The following KDM4C variants were observed in gnomAD, a reference collection of about 807,000 sequenced individuals.
KDM4C encodes lysine-specific demethylase 4C.
Under a neutral mutation model 129.3 loss-of-function variants are expected in KDM4C, and 81 were observed. The observed-to-expected ratio is 0.63, with a 90% CI of 0.52 to 0.75. The LOEUF is 0.75. KDM4C is among the 30% of genes least tolerant of loss of function. KDM4C has a pLI of 0.00. For synonymous variants in KDM4C, 573 were observed against 456.1 expected (o/e 1.26, Z -3.26); for missense variants, 1,457 against 1,304.0 (o/e 1.12, Z -1.81).
At chr9:6,787,508 C>T (rs992799385) in intron 1 of KDM4C, among the ~76,000 whole-genome samples, 3 of 152,252 alleles carry the variant, frequency 2.0e-5, no homozygotes, top group Non-Finnish European at 2.9e-5. Flanking sequence ...GCTGGGATTA[C>T]AGGCGTGAGC....
At chr9:6,896,104 A>G (rs1816388738) in intron 8 of KDM4C, among the ~76,000 whole-genome samples, 2 of 152,318 alleles carry the variant, frequency 1.3e-5, no homozygotes, top group South Asian at 4.1e-4. Flanking sequence ...CACTGGGCAT[A>G]CATTTATGTG....
chr9:6,805,968 A>G (rs555957496), intron 3 of KDM4C, among the ~76,000 whole-genome samples, 194 bp downstream of exon 3: 2 of 152,198 alleles, frequency 1.3e-5, no homozygotes, highest in African/African-American at 4.8e-5. Context: ...ATTGCTCTTT[A>G]TTTTATTATC....
In KDM4C at chr9:6,826,602, A is replaced by T. The variant is rs144019471; in HGVS notation, c.435+11857A>T. ...CTTATTTGGCCGGGCGCGGTGGCTT[A>T]TGCCTGTGATCCCAGCACTTTGGGA... is the stretch of plus-strand genomic sequence containing the variant. On this transcript the variant is annotated intron_variant, in intron 4 of 21. Transcript: ENST00000381309. Among the ~76,000 whole-genome samples, 1,148 of 152,254 alleles carry T rather than the reference A, an allele frequency of 7.5e-3. 17 individuals carry two copies. Among genetic ancestry groups the T allele is most frequent in the African/African-American group, 0.027 (1,101 of 41,546 alleles).
At chr9:6,862,486 T>C (rs1240228356) in intron 5 of KDM4C, among the ~76,000 whole-genome samples, 1 of 152,176 alleles carries the variant, frequency 6.6e-6, no homozygotes, top group Admixed American at 6.5e-5. Context: ...GTAAAGAAGC[T>C]GTACAGGTAG....
intron 8 of KDM4C, among the ~76,000 whole-genome samples, chr9:6,915,857 G>C (rs1820216324): frequency 6.6e-6 from 1 of 152,138 alleles, no homozygotes; most frequent in African/African-American, 2.4e-5. Flanking sequence ...TTGCCATCAT[G>C]GAAGGACCTA....
intron 4 of KDM4C, chr9:6,835,347 G>A: frequency 1.3e-5 from 13 of 1,020,822 alleles, no homozygotes; most frequent in East Asian, 2.4e-5. Flanking sequence ...ACACATTGCT[G>A]TCTGGCGGCA....
In KDM4C at chr9:7,013,923, C is replaced by G. The variant is rs780632726; in HGVS notation, c.2104C>G (p.Pro702Ala). Residue 702 changes from proline to alanine, a missense_variant, in exon 14 of 22, where the codon CCA (proline) becomes GCA (alanine). Pro to Ala is a conservative substitution (Grantham distance 27). Coordinates refer to ENST00000381309, the MANE Select transcript of KDM4C (RefSeq NM_015061.6). ...TAGTGAAGAAAATATAGAATATTCT[C>G]CACCCAATGCCTTCCTTGAAGAGGA... ...IYSEENIEYS[P>A]PNAFLEEDGT... 2 of 1,613,814 alleles carry G rather than the reference C, an allele frequency of 1.2e-6. No individual in the cohort carries two copies. Among genetic ancestry groups the G allele is most frequent in the Non-Finnish European group, 1.7e-6 (2 of 1,179,850 alleles).
At chr9:6,721,271 CTTTT>C (rs1300448717) in intron 1 of KDM4C, 39 of 75,194 alleles carry the variant, frequency 5.2e-4, no homozygotes, top group Admixed American at 1.8e-3. Flanking sequence ...TTTAAATTAA[CTTTT>C]TTTTTTTTTT....
chr9:6,773,012 G>GT (rs1432256790), intron 1 of KDM4C, among the ~76,000 whole-genome samples: 1 of 149,906 alleles, frequency 6.7e-6, no homozygotes, highest in Non-Finnish European at 1.5e-5. Flanking sequence ...TTTCTTTTTT[G>GT]TTTTTTTGAC....
chr9:6,946,730 A>G (rs1198606368), intron 8 of KDM4C, among the ~76,000 whole-genome samples: 1 of 152,136 alleles, frequency 6.6e-6, no homozygotes, highest in Non-Finnish European at 1.5e-5. Context: ...TGTTCTTTCT[A>G]TAGTTCATTA....
intron 12 of KDM4C, among the ~76,000 whole-genome samples, chr9:7,007,645 T>A (rs1171801013): frequency 6.6e-6 from 1 of 152,198 alleles, no homozygotes; most frequent in Non-Finnish European, 1.5e-5. Flanking sequence ...AATGTACACA[T>A]GTATATGGCA....
intron 2 of KDM4C, among the ~76,000 whole-genome samples, chr9:6,797,869 T>C (rs1037959085): frequency 6.6e-6 from 1 of 152,174 alleles, no homozygotes; most frequent in Non-Finnish European, 1.5e-5. Flanking sequence ...GCTGGGTTTG[T>C]GGGGTTGTTG....
At chr9:7,106,899 C>A (rs1302677932) in intron 18 of KDM4C, among the ~76,000 whole-genome samples, 1 of 151,480 alleles carries the variant, frequency 6.6e-6, no homozygotes, top group Non-Finnish European at 1.5e-5. Flanking sequence ...TACATTATTC[C>A]ATCAAGCAGT....
chr9:7,080,097 C>T (rs559619983), intron 17 of KDM4C, among the ~76,000 whole-genome samples: 1 of 152,150 alleles, frequency 6.6e-6, no homozygotes, highest in Non-Finnish European at 1.5e-5. Flanking sequence ...TGTACCTTAT[C>T]CACTAGGCAT....
At position 7,011,929 on chromosome 9, in the gene KDM4C, G is replaced by T. The variant is rs772487575; in HGVS notation, c.1968+50G>T. On this transcript the variant is annotated intron_variant, in intron 13 of 21. Coordinates refer to ENST00000381309, the MANE Select transcript of KDM4C (RefSeq NM_015061.6). ...CCCTTCACTGCTCTGCCTTCCATGT[G>T]ACCACATACCACAAGATCACTGTAA... The T allele has an allele frequency of 2.1e-6, 3 of 1,456,132 alleles. No homozygotes were observed. In the South Asian group the frequency reaches 3.5e-5, roughly 17 times the overall value. The allele number at this position is 1,456,132 out of a possible 1,614,324, so 90.2% of individuals were successfully genotyped here.
At chr9:7,138,537 A>C (rs534949074) in intron 19 of KDM4C, among the ~76,000 whole-genome samples, 60 of 152,214 alleles carry the variant, frequency 3.9e-4, no homozygotes, top group Non-Finnish European at 7.3e-4. Context: ...CTTTTGGGCC[A>C]GGCACGGTGG....
At chr9:6,908,558 G>A (rs748353609) in intron 8 of KDM4C, among the ~76,000 whole-genome samples, 13 of 152,012 alleles carry the variant, frequency 8.6e-5, no homozygotes, top group Admixed American at 3.3e-4. Flanking sequence ...ATTTAGCCAC[G>A]GAGAATCAGG....
intron 4 of KDM4C, among the ~76,000 whole-genome samples, chr9:6,821,330 C>T (rs1472480347): frequency 1.3e-5 from 2 of 152,168 alleles, no homozygotes; most frequent in South Asian, 2.1e-4. Flanking sequence ...AATTTACGCT[C>T]CCACCAACAG....
upstream of KDM4C, among the ~76,000 whole-genome samples, chr9:6,754,246 C>G (rs1177039333): frequency 6.7e-6 from 1 of 150,202 alleles, no homozygotes; most frequent in East Asian, 2.0e-4. Context: ...GAGTTTTGCT[C>G]TTGTCATCGA....
Sources: allele counts gnomAD v4.1 joint callset (sites outside exome capture counted in the v4.1 genomes callset), GRCh38; gene constraint gnomAD v4.1.1; transcripts MANE v1.5; gene names NCBI Gene and HGNC (gene_info 2026-07-23, HGNC 2026-07-21).